Variants in PRKCE observed in about 807,000 individuals in gnomAD.
PRKCE encodes the protein protein kinase C epsilon type.
A neutral mutation model predicts 85.4 loss-of-function variants in PRKCE; 16 were observed. That is an observed-to-expected ratio of 0.19 (90% CI 0.13 to 0.28). PRKCE has a LOEUF of 0.28. Among genes scored for constraint, PRKCE ranks in the 10% least tolerant of loss-of-function variants. PRKCE has a pLI of 1.00. For missense variants in PRKCE, 573 were observed against 975.2 expected (o/e 0.59, Z 5.49); for synonymous variants, 388 against 371.5 (o/e 1.04, Z -0.51).
chr2:46,135,104 A>G (rs556969040), intron 11 of PRKCE, among the ~76,000 whole-genome samples: 1 of 152,240 alleles, frequency 6.6e-6, no homozygotes, highest in African/African-American at 2.4e-5. Flanking sequence ...TCAAACCGAG[A>G]TGTTGTTTGA....
chr2:46,004,914 C>G lies in PRKCE; in HGVS notation c.1063+276C>G, dbSNP rs1200879914. ...ATGATGTTATGGTTATCTGTTTTCCCTTGCCTCTGTCCCTGGTTCCAAGTG... is the reference window on the plus strand; with the variant it reads ...ATGATGTTATGGTTATCTGTTTTCCGTTGCCTCTGTCCCTGGTTCCAAGTG... On this transcript the variant is annotated intron_variant, in intron 8 of 14. Transcript: ENST00000306156. This position sits in a 1 kb window ranked among gnomAD's most constrained non-coding sequence, Gnocchi z 4.1. Among the ~76,000 whole-genome samples, 1 of 151,994 alleles carries G rather than the reference C, an allele frequency of 6.6e-6. No individual in the cohort carries two copies. The highest frequency in any genetic ancestry group is 1.5e-5 in the Non-Finnish European group (1 of 67,988).
At chr2:45,881,031 T>C (rs1694845293) in intron 2 of PRKCE, among the ~76,000 whole-genome samples, 1 of 150,776 alleles carries the variant, frequency 6.6e-6, no homozygotes, top group Non-Finnish European at 1.5e-5. Flanking sequence ...CGGGCGCCTG[T>C]AGTCCCAGCT....
chr2:45,931,611 C>T (rs562732424), intron 2 of PRKCE, among the ~76,000 whole-genome samples: 1 of 152,198 alleles, frequency 6.6e-6, no homozygotes, highest in Non-Finnish European at 1.5e-5. Flanking sequence ...TAATTGAATA[C>T]TTTGTATGCA....
intron 1 of PRKCE, among the ~76,000 whole-genome samples, chr2:45,750,395 T>C (rs940113712): frequency 6.6e-6 from 1 of 152,232 alleles, no homozygotes; most frequent in Non-Finnish European, 1.5e-5. Flanking sequence ...GCCTTGTGTG[T>C]GTGTCCTGTT....
intron 2 of PRKCE, among the ~76,000 whole-genome samples, chr2:45,858,248 A>C (rs1287477896): frequency 6.6e-6 from 1 of 152,238 alleles, no homozygotes; most frequent in Non-Finnish European, 1.5e-5. Context: ...TGCCTGGAGA[A>C]GAACCTATTT....
At chr2:45,811,591 A>G (rs553555770) in intron 1 of PRKCE, among the ~76,000 whole-genome samples, 1 of 152,210 alleles carries the variant, frequency 6.6e-6, no homozygotes, top group Non-Finnish European at 1.5e-5. Context: ...ACCTATTATC[A>G]ATAGGATAAA....
chr2:45,877,882 A>G (rs767532285), intron 2 of PRKCE, among the ~76,000 whole-genome samples: 2 of 152,246 alleles, frequency 1.3e-5, no homozygotes, highest in South Asian at 4.1e-4. Context: ...AAGGACCTTC[A>G]CGCCTCTCAA....
intron 1 of PRKCE, among the ~76,000 whole-genome samples, chr2:45,814,654 G>A (rs1035687897): frequency 2.0e-5 from 3 of 152,256 alleles, no homozygotes; most frequent in African/African-American, 7.2e-5. Flanking sequence ...CCTGGGGTCT[G>A]TGCTATTCGG....
At chr2:45,791,660 T>A (rs114297960) in intron 1 of PRKCE, among the ~76,000 whole-genome samples, 1,909 of 152,316 alleles carry the variant, frequency 0.013, 16 homozygotes, top group Middle Eastern at 0.02. Context: ...CACTCTAGAA[T>A]CTTTATGGGT....
chr2:45,896,099 T>C (rs1666633786), intron 2 of PRKCE, among the ~76,000 whole-genome samples: 1 of 152,234 alleles, frequency 6.6e-6, no homozygotes, highest in Non-Finnish European at 1.5e-5. Flanking sequence ...GTCTTGGTCC[T>C]TCAACCTGGC....
chr2:45,932,027 T>C (rs949648839), intron 2 of PRKCE, among the ~76,000 whole-genome samples: 1 of 152,152 alleles, frequency 6.6e-6, no homozygotes, highest in African/African-American at 2.4e-5. Flanking sequence ...ACATACTGAA[T>C]TTTTAAGATG....
chr2:45,657,861 G>A (rs13029962), intron 1 of PRKCE, among the ~76,000 whole-genome samples: 39,314 of 151,934 alleles, frequency 0.26, 5,882 homozygotes, highest in Admixed American at 0.34. Context: ...AATCACTTGG[G>A]GGAGATTCAT....
chr2:46,101,887 A>G lies in PRKCE; in HGVS notation c.1592+15525A>G, dbSNP rs867746052. On this transcript the variant is annotated intron_variant, in intron 11 of 14. Coordinates refer to ENST00000306156, the MANE Select transcript of PRKCE (RefSeq NM_005400.3). ...AAAAAAAAAAAAAAAAAAAAAACCC[A>G]AAACCCTGATTTGTAGCATTAACTG... is the stretch of plus-strand genomic sequence containing the variant. Among the ~76,000 whole-genome samples, 16 of 146,526 alleles carry G rather than the reference A, an allele frequency of 1.1e-4. No individual in the cohort carries two copies. The Middle Eastern group carries it at 0.011, about 97-fold the overall frequency.
rs758782222 is a variant in PRKCE, at chr2:46,001,540, G to A, written c.960G>A (p.Arg320=). 2.5e-6 allele frequency: 4 copies of A among 1,597,726 alleles called. No homozygotes were observed. The highest frequency in any genetic ancestry group is 1.7e-5 in the Admixed American group (1 of 59,660). Residue 320 remains arginine (R), a synonymous_variant, in exon 7 of 15, where the codon AGG becomes AGA. Coordinates refer to ENST00000306156, the MANE Select transcript of PRKCE (RefSeq NM_005400.3). This position sits in a 1 kb window ranked among gnomAD's most constrained non-coding sequence, Gnocchi z 4.4. ...PDKITNSGQR[R]KKLIAGAESP... is the part of the protein sequence containing the mutation. ...AAATCACCAACAGCGGCCAGAGAAG[G>A]AAAAAGGTAACTGGCTGTTTGGTGG...
At chr2:45,708,946 G>A (rs984638315) in intron 1 of PRKCE, among the ~76,000 whole-genome samples, 1 of 152,224 alleles carries the variant, frequency 6.6e-6, no homozygotes, top group Non-Finnish European at 1.5e-5. Flanking sequence ...TGTGTGGATA[G>A]TAGCACACAG....
chr2:45,993,287 A>T (rs751849037), intron 6 of PRKCE, among the ~76,000 whole-genome samples: 3 of 152,192 alleles, frequency 2.0e-5, no homozygotes, highest in Admixed American at 6.5e-5. Context: ...CCAGGAGCCC[A>T]TCTTGCTCCC....
At chr2:45,836,709 C>G (rs548400556) in intron 1 of PRKCE, among the ~76,000 whole-genome samples, 27 of 152,296 alleles carry the variant, frequency 1.8e-4, no homozygotes, top group African/African-American at 5.5e-4. Flanking sequence ...CCTGATGGTT[C>G]CCCGTCTGCC....
chr2:45,864,215 C>A (rs1693399543), intron 2 of PRKCE, among the ~76,000 whole-genome samples: 1 of 152,132 alleles, frequency 6.6e-6, no homozygotes, highest in Non-Finnish European at 1.5e-5. Flanking sequence ...GTCCCATTGG[C>A]CTAGGGGGCC....
At chr2:46,126,156 G>C (rs1336125223) in intron 11 of PRKCE, among the ~76,000 whole-genome samples, 1 of 152,188 alleles carries the variant, frequency 6.6e-6, no homozygotes, top group African/African-American at 2.4e-5. Flanking sequence ...CAAAGTGCCT[G>C]TTGTCTTAGA....
Sources: allele counts gnomAD v4.1 joint callset (sites outside exome capture counted in the v4.1 genomes callset), GRCh38; gene constraint gnomAD v4.1.1; non-coding constraint Gnocchi (gnomAD v3.1); transcripts MANE v1.5; gene names NCBI Gene and HGNC (gene_info 2026-07-23, HGNC 2026-07-21).